Variants in RLIM observed in about 807,000 individuals in gnomAD.
RLIM encodes E3 ubiquitin-protein ligase RLIM.
Under a neutral mutation model 34.0 loss-of-function variants are expected in RLIM, and 2 were observed. The observed-to-expected ratio is 0.06, with a 90% CI of 0.02 to 0.19. RLIM has a LOEUF of 0.19. Ranked by LOEUF, RLIM falls within the 10% of genes least tolerant of loss-of-function variation. RLIM has a pLI of 1.00. For synonymous variants in RLIM, 169 were observed against 164.0 expected, an observed-to-expected ratio of 1.03 and a Z score of -0.23; for missense variants, 286 against 479.7, an observed-to-expected ratio of 0.60 and a Z score of 3.77.
At chrX:74,594,897 TAAAA>T (rs1169273208) in intron 2 of RLIM, among the ~76,000 whole-genome samples, 1 of 59,720 alleles carries the variant, frequency 1.7e-5, no homozygotes. Context: ...AGACTCTGCT[TAAAA>T]AAAAAAAAAA....
Position 74,594,360 on chromosome X carries a change from G to C in RLIM, c.199C>G (p.Arg67Gly). ...GGGCCTTCTTTAATTTGCTGTAGTC[G>C]TCTCAGCAACTCTTCCTCAGTACTT... is the stretch of plus-strand genomic sequence containing the variant. ...GESTEEELLRRLQQIKEGPPP... is the reference protein window; with the variant it reads ...GESTEEELLRGLQQIKEGPPP... The change falls in exon 3 of 4, where the codon CGA becomes GGA. Residue 67 changes from arginine to glycine, a missense_variant. Arg to Gly is a moderately radical substitution (Grantham distance 125, BLOSUM62 -2). Coordinates refer to ENST00000332687, the MANE Select transcript of RLIM (RefSeq NM_016120.4). 2.5e-6 allele frequency: 3 copies of C among 1,205,747 alleles called. No individual in the cohort carries two copies. The highest frequency in any genetic ancestry group is 3.4e-6 in the Non-Finnish European group (3 of 892,610).
chrX:74,589,570 T>C lies in RLIM; in HGVS notation c.*1870A>G, dbSNP rs1480129066. 1.8e-5 allele frequency: 2 copies of C among 112,402 alleles called. No individual in the cohort carries two copies. The highest frequency in any genetic ancestry group is 3.6e-4 in the South Asian group (1 of 2,773). The allele number at this position is 112,402 out of a possible 1,213,427, so 9.3% of individuals were successfully genotyped here. On this transcript the variant is annotated 3_prime_UTR_variant, in exon 4 of 4. Transcript: ENST00000332687. ...TAATTTCCTTGATACTTAGATAGGA[T>C]TGAAAGCCAGAAGAAATCATGGAAG...
rs1157715655 is a variant in RLIM, at chrX:74,585,640, A to G, written c.*5800T>C. The G allele has an allele frequency of 1.8e-5, 2 of 112,416 alleles. No individual in the cohort carries two copies. The highest frequency in any genetic ancestry group is 3.7e-5 in the Non-Finnish European group (2 of 53,342). 9.3% of individuals were successfully genotyped at this position (112,416 alleles called of 1,213,427 possible). ...CTTTCAAGGTCTTGTTTTGCTTTAA[A>G]CAAGTTAACTTTTAGCAGTTGTAAA... On this transcript the variant is annotated 3_prime_UTR_variant, in exon 4 of 4. Coordinates refer to ENST00000332687, the MANE Select transcript of RLIM (RefSeq NM_016120.4).
In RLIM at chrX:74,606,911, G is replaced by A. The variant is rs528321187; in HGVS notation, c.-24+7511C>T. On this transcript the variant is annotated intron_variant, in intron 1 of 3. Transcript: ENST00000332687. ...AGCACTTTGGGAGGTCGAGGTCGGC[G>A]GATCGCTTGAGCCCGGGAGTTCAAA... Among the ~76,000 whole-genome samples, 6 of 110,972 alleles carry A rather than the reference G, an allele frequency of 5.4e-5. No homozygotes were observed. The South Asian group carries it at 1.1e-3, about 21-fold the overall frequency.
chrX:74,609,311 C>T (rs1373844131), intron 1 of RLIM, among the ~76,000 whole-genome samples: 2 of 108,223 alleles, frequency 1.8e-5, no homozygotes, highest in African/African-American at 6.7e-5. Flanking sequence ...CACAGTGAAA[C>T]CCCGTCTCTA....
chrX:74,603,409 A>G (rs982306849), intron 1 of RLIM, among the ~76,000 whole-genome samples: 1 of 111,010 alleles, frequency 9.0e-6, no homozygotes, highest in Non-Finnish European at 1.9e-5. Flanking sequence ...TTACTATCTC[A>G]GCTAGCAATT....
In RLIM at chrX:74,587,734, A is replaced by C. The variant is rs2079594062; in HGVS notation, c.*3706T>G. The C allele has an allele frequency of 8.9e-6, 1 of 111,742 alleles. No individual in the cohort carries two copies. The highest frequency in any genetic ancestry group is 3.3e-5 in the African/African-American group (1 of 30,714). The allele number at this position is 111,742 out of a possible 1,213,427, so 9.2% of individuals were successfully genotyped here. Reference sequence around the variant, plus strand: ...TGTCATGGACGCCTGGGAAGCAGGTAGTTAAATACAAAGCATATTATGTGA... The same window carrying C: ...TGTCATGGACGCCTGGGAAGCAGGTCGTTAAATACAAAGCATATTATGTGA... On this transcript the variant is annotated 3_prime_UTR_variant, in exon 4 of 4. Coordinates refer to ENST00000332687, the MANE Select transcript of RLIM (RefSeq NM_016120.4).
Position 74,583,185 on chromosome X carries a change from G to A in RLIM, c.*8255C>T, listed in dbSNP as rs1286185652. The A allele has an allele frequency of 1.7e-5, 17 of 998,201 alleles. No individual in the cohort carries two copies. The East Asian group carries it at 5.0e-4, about 29-fold the overall frequency. The allele number at this position is 998,201 out of a possible 1,213,427, so 82.3% of individuals were successfully genotyped here. On this transcript the variant is annotated 3_prime_UTR_variant, in exon 4 of 4. Transcript: ENST00000332687. ...TACAGCTACAGCTTCATCAACCTTA[G>A]AATGGAGTGACTCTGGAGACTTGAG...
chrX:74,583,028 G>A lies in RLIM; in HGVS notation c.*8412C>T, dbSNP rs1224316329. The A allele has an allele frequency of 1.7e-5, 13 of 743,260 alleles. No homozygotes were observed. The highest frequency in any genetic ancestry group is 2.3e-5 in the Non-Finnish European group (11 of 479,074). 61.3% of individuals were successfully genotyped at this position (743,260 alleles called of 1,213,427 possible). On this transcript the variant is annotated 3_prime_UTR_variant, in exon 4 of 4. Coordinates refer to ENST00000332687, the MANE Select transcript of RLIM (RefSeq NM_016120.4). ...ATTTTTTTCCATATTTAAGTTTTTC[G>A]ATGTTTAGATATTTTTCTTTGGTGA...
chrX:74,608,710 G>A (rs758614761), intron 1 of RLIM, among the ~76,000 whole-genome samples: 6 of 112,185 alleles, frequency 5.3e-5, no homozygotes, highest in South Asian at 3.7e-4. Context: ...CCTCATGTAC[G>A]CACCGACTTG....
At chrX:74,599,086 A>T (rs896723121) in intron 1 of RLIM, among the ~76,000 whole-genome samples, 7 of 111,852 alleles carry the variant, frequency 6.3e-5, no homozygotes, top group African/African-American at 1.9e-4. Context: ...AAAAACTGTG[A>T]GAATTTGGTT....
At chrX:74,601,441 G>C (rs1382047007) in intron 1 of RLIM, among the ~76,000 whole-genome samples, 1 of 111,812 alleles carries the variant, frequency 8.9e-6, no homozygotes, top group Non-Finnish European at 1.9e-5. Context: ...TACATTATCA[G>C]ATAAACTGCA....
chrX:74,594,257 TC>T lies in RLIM; in HGVS notation c.253+48del, dbSNP rs1349102961. On this transcript the variant is annotated intron_variant, in intron 3 of 3. Coordinates refer to ENST00000332687, the MANE Select transcript of RLIM (RefSeq NM_016120.4). ...TGGCTGACATTTACTATTACAAAGTTCCTATCATCCCATCGTCTATCCACCT... is the reference window on the plus strand; with the variant it reads ...TGGCTGACATTTACTATTACAAAGTTCTATCATCCCATCGTCTATCCACCT... 2.2e-6 allele frequency: 2 copies of T among 899,565 alleles called. 1 individual carries two copies. Among genetic ancestry groups the T allele is most frequent in the South Asian group, 5.5e-5 (2 of 36,044 alleles). The allele number at this position is 899,565 out of a possible 1,213,427, so 74.1% of individuals were successfully genotyped here.
In RLIM at chrX:74,585,278, C is replaced by T. The variant is rs1230690026; in HGVS notation, c.*6162G>A. 8.9e-6 allele frequency: 1 copy of T among 112,104 alleles called. No homozygotes were observed. The highest frequency in any genetic ancestry group is 3.2e-5 in the African/African-American group (1 of 30,812). The allele number at this position is 112,104 out of a possible 1,213,427, so 9.2% of individuals were successfully genotyped here. On this transcript the variant is annotated 3_prime_UTR_variant, in exon 4 of 4. Transcript: ENST00000332687. ...TTTACCACTCAACGATTAAGCCATT[C>T]AACTACACAACACAGATAAAACGGA...
intron 1 of RLIM, among the ~76,000 whole-genome samples, chrX:74,609,361 G>A (rs993844876): frequency 1.4e-4 from 15 of 107,156 alleles, no homozygotes; most frequent in East Asian, 5.9e-4. Flanking sequence ...AGTGGTGGGC[G>A]CCTGTAGTCC....
Position 74,583,658 on chromosome X carries a change from A to G in RLIM, c.*7782T>C. 2.5e-6 allele frequency: 1 copy of G among 406,241 alleles called. No individual in the cohort carries two copies. Among genetic ancestry groups the G allele is most frequent in the South Asian group, 3.4e-5 (1 of 29,431 alleles). 33.5% of individuals were successfully genotyped at this position (406,241 alleles called of 1,213,427 possible). On this transcript the variant is annotated 3_prime_UTR_variant, in exon 4 of 4. Coordinates refer to ENST00000332687, the MANE Select transcript of RLIM (RefSeq NM_016120.4). ...ACTTAAACTGCTAAAATGATAGTTC[A>G]TGTTATTCATAGTGCTAAGGTGTAT... is the stretch of plus-strand genomic sequence containing the variant.
chrX:74,591,886 GACTGGAACTGGAACTTGA>G lies in RLIM; in HGVS notation c.1411_1428del (p.Ser471_Ser476del), dbSNP rs756953559. On this transcript the variant is annotated inframe_deletion, in exon 4 of 4. Coordinates refer to ENST00000332687, the MANE Select transcript of RLIM (RefSeq NM_016120.4). ...CTTTCACCACCGGAACTGGAACTAG[GACTGGAACTGGAACTTGA>G]ACTGGAACTGGAACTCGAACTGGAA... The G allele has an allele frequency of 3.8e-5, 46 of 1,203,773 alleles. No homozygotes were observed. Among genetic ancestry groups the G allele is most frequent in the Admixed American group, 3.1e-4 (14 of 45,572 alleles).
chrX:74,605,539 A>G (rs1254117011), intron 1 of RLIM, among the ~76,000 whole-genome samples: 1 of 112,113 alleles, frequency 8.9e-6, no homozygotes, highest in African/African-American at 3.2e-5. Context: ...GAGGAAAAAG[A>G]GAATCCTTAT....
At chrX:74,594,432 G>A (rs1388373211) in intron 2 of RLIM, 43 bp from the exon 3 acceptor site, 2 of 893,302 alleles carry the variant, frequency 2.2e-6, no homozygotes, top group East Asian at 3.2e-5. Flanking sequence ...TTAGGGGTAT[G>A]ACAATCAAAT....
Sources: gnomAD v4.1 joint callset for allele counts (sites outside exome capture counted in the v4.1 genomes callset) on GRCh38, gnomAD v4.1.1 for gene constraint, MANE v1.5 for transcripts, NCBI Gene and HGNC (gene_info 2026-07-23, HGNC 2026-07-21) for gene names.